The following SAMD3 variants were observed in gnomAD, a reference collection of about 807,000 sequenced individuals.
SAMD3 encodes sterile alpha motif domain containing 3.
Under a neutral mutation model 58.5 loss-of-function variants are expected in SAMD3, and 63 were observed. The ratio of observed to expected loss-of-function variants is 1.08; its 90% CI spans 0.88 to 1.33. The LOEUF is 1.33. SAMD3 is among the 40% of genes most tolerant of loss of function. The pLI is 0.00. For missense variants in SAMD3, 604 were observed against 608.4 expected (o/e 0.99, Z 0.08); for synonymous variants, 220 against 210.3 (o/e 1.05, Z -0.40).
At chr6:130,207,334 C>G (rs960428764) in intron 5 of SAMD3, among the ~76,000 whole-genome samples, 1 of 152,062 alleles carries the variant, frequency 6.6e-6, no homozygotes, top group African/African-American at 2.4e-5. Context: ...CTGTGTGCTT[C>G]CACTCTGCTT....
chr6:130,146,080 C>T lies in SAMD3; in HGVS notation c.1125G>A (p.Val375=). 6.2e-7 allele frequency: 1 copy of T among 1,600,294 alleles called. No individual in the cohort carries two copies. The highest frequency in any genetic ancestry group is 8.5e-7 in the Non-Finnish European group (1 of 1,173,242). ...ATACAATATTGATTGGATTGTCCAC[C>T]ACTGAAAAAGAAGTCAGTATATTTT... ...YSENILTSFS[V]VDNPINIVLQ... Residue 375 remains valine, a synonymous_variant, in exon 10 of 12, where the codon GTG becomes GTA. Coordinates refer to ENST00000439090, the MANE Select transcript of SAMD3 (RefSeq NM_001017373.4).
chr6:130,180,953 C>CTTTCTTTTTTTTTTTTTTTTTTT (rs56707260), intron 7 of SAMD3, among the ~76,000 whole-genome samples: 2 of 117,360 alleles, frequency 1.7e-5, no homozygotes, highest in African/African-American at 3.2e-5. Flanking sequence ...TTCTTTCTTT[C>CTTTCTTTTTTTTTTTTTTTTTTT]TTTTTTCTTT....
At chr6:130,298,500 T>G (rs1775642888) in intron 2 of SAMD3, among the ~76,000 whole-genome samples, 1 of 152,190 alleles carries the variant, frequency 6.6e-6, no homozygotes, top group Non-Finnish European at 1.5e-5. Context: ...AGCAACAGTA[T>G]GACAGGAACA....
chr6:130,143,035 T>TTAA (rs1788354404), downstream of SAMD3: 1 of 152,188 alleles, frequency 6.6e-6, no homozygotes, highest in African/African-American at 2.4e-5. Flanking sequence ...ATGTAAGTAG[T>TTAA]TAATTAATAG....
intron 2 of SAMD3, among the ~76,000 whole-genome samples, chr6:130,244,637 G>A (rs542577318): frequency 5.3e-5 from 8 of 152,216 alleles, no homozygotes; most frequent in Admixed American, 1.3e-4. Flanking sequence ...CTACTCGGGA[G>A]GCCGAGGCAT....
At chr6:130,199,351 C>T (rs935313273) in intron 5 of SAMD3, among the ~76,000 whole-genome samples, 4 of 152,188 alleles carry the variant, frequency 2.6e-5, no homozygotes, top group African/African-American at 7.2e-5. Flanking sequence ...TTGGGATACC[C>T]AGGTTTATAT....
chr6:130,200,677 C>T (rs1449439712), intron 5 of SAMD3, among the ~76,000 whole-genome samples: 1 of 151,838 alleles, frequency 6.6e-6, no homozygotes, highest in South Asian at 2.1e-4. Context: ...TTATCACCAG[C>T]AATCAAAGTG....
intron 8 of SAMD3, among the ~76,000 whole-genome samples, chr6:130,166,023 T>G (rs920257870): frequency 6.6e-6 from 1 of 152,162 alleles, no homozygotes; most frequent in Non-Finnish European, 1.5e-5. Flanking sequence ...TCCATCTCCA[T>G]CCAGTTACAG....
intron 1 of SAMD3, among the ~76,000 whole-genome samples, chr6:130,331,372 T>TA (rs905200718): frequency 7.1e-4 from 107 of 151,738 alleles, no homozygotes; most frequent in African/African-American, 2.4e-3. Context: ...GAACTTACTT[T>TA]AAAAAAAAAT....
At chr6:130,308,653 C>G (rs531939389) in intron 2 of SAMD3, among the ~76,000 whole-genome samples, 1 of 152,092 alleles carries the variant, frequency 6.6e-6, no homozygotes, top group Admixed American at 6.5e-5. Flanking sequence ...AAGTCTGCCT[C>G]AAATCAAGGG....
At chr6:130,357,420 G>A (rs889310341) in intron 1 of SAMD3, among the ~76,000 whole-genome samples, 3 of 152,000 alleles carry the variant, frequency 2.0e-5, no homozygotes, top group African/African-American at 7.3e-5. Flanking sequence ...CACCACACCC[G>A]GCCGGCATCT....
chr6:130,328,654 A>G (rs1302636774), intron 1 of SAMD3, among the ~76,000 whole-genome samples: 5 of 152,158 alleles, frequency 3.3e-5, no homozygotes, highest in African/African-American at 4.8e-5. Context: ...CCCTCAGCCC[A>G]TCATGCTGAC....
chr6:130,342,417 C>T (rs1338139320), intron 1 of SAMD3, among the ~76,000 whole-genome samples: 5 of 152,124 alleles, frequency 3.3e-5, no homozygotes, highest in Non-Finnish European at 7.4e-5. Context: ...CATTAAGCAT[C>T]ATTTTCAATT....
intron 2 of SAMD3, among the ~76,000 whole-genome samples, chr6:130,230,995 T>C (rs1205113973): frequency 1.3e-5 from 2 of 152,156 alleles, no homozygotes; most frequent in East Asian, 3.8e-4. Context: ...TGTTCAACAG[T>C]GCTATTAATG....
At chr6:130,339,747 T>G (rs1358902042) in intron 1 of SAMD3, among the ~76,000 whole-genome samples, 5 of 152,214 alleles carry the variant, frequency 3.3e-5, no homozygotes, top group Non-Finnish European at 5.9e-5. Context: ...TAAACTCCTC[T>G]TTCAGAAAAT....
intron 1 of SAMD3, among the ~76,000 whole-genome samples, chr6:130,220,598 G>C (rs761176883): frequency 2.6e-5 from 4 of 152,230 alleles, no homozygotes; most frequent in Non-Finnish European, 5.9e-5. Context: ...ATAGTTTGAA[G>C]ATGTCATTTC....
At chr6:130,195,511 C>T (rs1047585975) in intron 5 of SAMD3, among the ~76,000 whole-genome samples, 2 of 152,204 alleles carry the variant, frequency 1.3e-5, no homozygotes, top group Admixed American at 6.5e-5. Flanking sequence ...TGCCTATCCA[C>T]CCCATGGTGC....
intron 1 of SAMD3, among the ~76,000 whole-genome samples, chr6:130,356,685 C>T (rs147697713): frequency 6.6e-6 from 1 of 152,286 alleles, no homozygotes; most frequent in East Asian, 1.9e-4. Context: ...TAGACGGTAC[C>T]AGAGTGCCCA....
At chr6:130,199,253 A>G (rs1250422141) in intron 5 of SAMD3, among the ~76,000 whole-genome samples, 1 of 152,202 alleles carries the variant, frequency 6.6e-6, no homozygotes, top group Non-Finnish European at 1.5e-5. Context: ...ATTGTGCCCC[A>G]CAAGTGGCTG....
Sources: gnomAD v4.1 joint callset for allele counts (sites outside exome capture counted in the v4.1 genomes callset) on GRCh38, gnomAD v4.1.1 for gene constraint, MANE v1.5 for transcripts, NCBI Gene and HGNC (gene_info 2026-07-23, HGNC 2026-07-21) for gene names.